The following IP6K1 variants were observed in gnomAD, a reference collection of about 807,000 sequenced individuals.
The protein encoded by IP6K1 is ATP:1D-myo-inositol-hexakisphosphate phosphotransferase.
IP6K1 carries 13 observed loss-of-function variants against 38.3 expected under a neutral mutation model. That is an observed-to-expected ratio of 0.34 (90% CI 0.22 to 0.54). The LOEUF is 0.54. Among genes scored for constraint, IP6K1 ranks in the 20% least tolerant of loss-of-function variants. IP6K1 has a pLI of 0.92. For synonymous variants in IP6K1, 212 were observed against 229.9 expected, an observed-to-expected ratio of 0.92 and a Z score of 0.70; for missense variants, 397 against 599.8, an observed-to-expected ratio of 0.66 and a Z score of 3.53.
rs569041039 is a variant in IP6K1, at chr3:49,730,182, C to A, written c.617-1904G>T. Reference sequence around the variant, plus strand: ...TGCTAGGATTACAGGCATGAGCCACCGCGCCCAGCCGCCTACCTAATTTTT... The same window carrying A: ...TGCTAGGATTACAGGCATGAGCCACAGCGCCCAGCCGCCTACCTAATTTTT... On this transcript the variant is annotated intron_variant, in intron 4 of 5. Transcript: ENST00000321599. Among the ~76,000 whole-genome samples the A allele has an allele frequency of 1.8e-4, 27 of 152,146 alleles. No individual in the cohort carries two copies. In the South Asian group the frequency reaches 4.4e-3, roughly 25 times the overall value.
At chr3:49,758,241 G>A (rs2080841060) in intron 1 of IP6K1, among the ~76,000 whole-genome samples, 1 of 146,834 alleles carries the variant, frequency 6.8e-6, no homozygotes, top group African/African-American at 2.5e-5. Context: ...TTGAGCCTGG[G>A]AGGCGGAGGT....
chr3:49,767,474 G>A (rs748567025), intron 1 of IP6K1, among the ~76,000 whole-genome samples: 1 of 152,002 alleles, frequency 6.6e-6, no homozygotes. Context: ...CAGGTACTCG[G>A]GGGGCTAAAA....
chr3:49,768,216 G>A (rs751039135), intron 1 of IP6K1, among the ~76,000 whole-genome samples: 2 of 152,096 alleles, frequency 1.3e-5, no homozygotes, highest in Non-Finnish European at 2.9e-5. Context: ...ACTGAAAGGA[G>A]GAATCCAAAA....
At chr3:49,767,477 G>C (rs189437367) in intron 1 of IP6K1, among the ~76,000 whole-genome samples, 1 of 152,020 alleles carries the variant, frequency 6.6e-6, no homozygotes, top group Non-Finnish European at 1.5e-5. Flanking sequence ...GTACTCGGGG[G>C]GCTAAAACAG....
At chr3:49,757,558 T>C (rs550104245) in intron 1 of IP6K1, among the ~76,000 whole-genome samples, 1 of 151,548 alleles carries the variant, frequency 6.6e-6, no homozygotes, top group East Asian at 1.9e-4. Flanking sequence ...ATACTGTCTC[T>C]ACAAAAAAAA....
At position 49,724,828 on chromosome 3, in the gene IP6K1, A is replaced by ACCCGT. The variant is rs1488239742; in HGVS notation, c.*2289_*2293dup. The ACCCGT allele has an allele frequency of 6.6e-6, 1 of 152,438 alleles. No homozygotes were observed. Among genetic ancestry groups the ACCCGT allele is most frequent in the African/African-American group, 2.4e-5 (1 of 41,356 alleles). 9.4% of individuals were successfully genotyped at this position (152,438 alleles called of 1,614,324 possible). Reference sequence around the variant, plus strand: ...TGGTCCCCTTCCTCTTTTAAGCACCACCCGTCCCACCCCACCCTCAGGGGC... The same window carrying ACCCGT: ...TGGTCCCCTTCCTCTTTTAAGCACCACCCGTCCCGTCCCACCCCACCCTCAGGGGC... On this transcript the variant is annotated 3_prime_UTR_variant, in exon 6 of 6. Coordinates refer to ENST00000321599, the MANE Select transcript of IP6K1 (RefSeq NM_153273.4).
At chr3:49,762,359 T>C (rs1227275044) in intron 1 of IP6K1, among the ~76,000 whole-genome samples, 5 of 152,148 alleles carry the variant, frequency 3.3e-5, no homozygotes, top group Non-Finnish European at 7.3e-5. Context: ...CTGGCCAACA[T>C]GGTGAAACCC....
intron 1 of IP6K1, among the ~76,000 whole-genome samples, chr3:49,764,922 CAA>C (rs1198297210): frequency 6.7e-6 from 1 of 148,522 alleles, no homozygotes; most frequent in African/African-American, 2.5e-5. Context: ...AGGATAAACT[CAA>C]AGAGACCCAT....
rs1311738357 is a variant in IP6K1, at chr3:49,727,976, T to C, written c.792+127A>G. 1.1e-5 allele frequency: 10 copies of C among 915,608 alleles called. No homozygotes were observed. The highest frequency in any genetic ancestry group is 6.6e-5 in the African/African-American group (4 of 60,516). The allele number at this position is 915,608 out of a possible 1,614,324, so 56.7% of individuals were successfully genotyped here. A position where few individuals can be genotyped will look rare whatever the true frequency, so the allele number is the denominator to read the frequency against. ...ACAGTGGTCCTGCACCTGAGGCCCA[T>C]ATCAAAGTCAACAGGTAAGGACAGA... On this transcript the variant is annotated intron_variant, in intron 5 of 5. Transcript: ENST00000321599. The surrounding 1 kb of genome is among the most constrained non-coding windows in gnomAD (Gnocchi z 5.9).
At chr3:49,739,674 T>C (rs948686017) in intron 2 of IP6K1, among the ~76,000 whole-genome samples, 5 of 151,900 alleles carry the variant, frequency 3.3e-5, no homozygotes, top group African/African-American at 4.8e-5. Flanking sequence ...ATAATATTCT[T>C]CTTCTTCTTA....
intron 1 of IP6K1, among the ~76,000 whole-genome samples, chr3:49,764,407 A>G (rs2080891779): frequency 6.6e-6 from 1 of 152,172 alleles, no homozygotes; most frequent in Non-Finnish European, 1.5e-5. Context: ...TTTAAAATAT[A>G]TACAACAAAC....
chr3:49,745,231 A>G (rs1359501798), intron 2 of IP6K1, among the ~76,000 whole-genome samples: 1 of 152,272 alleles, frequency 6.6e-6, no homozygotes, highest in Non-Finnish European at 1.5e-5. Flanking sequence ...TTTCCAGAGC[A>G]GAATATAATA....
intron 1 of IP6K1, among the ~76,000 whole-genome samples, chr3:49,751,257 G>A (rs1339814392): frequency 6.6e-6 from 1 of 152,046 alleles, no homozygotes; most frequent in Non-Finnish European, 1.5e-5. Flanking sequence ...CAGGGTTCAA[G>A]CGATTCTCGT....
chr3:49,780,290 G>C (rs1289364575), intron 1 of IP6K1, among the ~76,000 whole-genome samples: 1 of 25,702 alleles, frequency 3.9e-5, no homozygotes, highest in Non-Finnish European at 8.1e-5. Context: ...TAGCACACGA[G>C]AATCTTTATC....
intron 1 of IP6K1, among the ~76,000 whole-genome samples, chr3:49,762,860 C>A (rs974048726): frequency 6.6e-6 from 1 of 151,840 alleles, no homozygotes; most frequent in African/African-American, 2.4e-5. Flanking sequence ...CAACCTCTGT[C>A]TCCCAGGTTC....
chr3:49,733,120 G>A (rs2080578757), intron 3 of IP6K1, 148 bp from the exon 4 acceptor site: 2 of 525,846 alleles, frequency 3.8e-6, no homozygotes, highest in Admixed American at 7.2e-5. Context: ...CAATAAAAAT[G>A]AGTAAATGTT....
chr3:49,740,844 TTTTTC>T (rs1311264779), intron 2 of IP6K1, among the ~76,000 whole-genome samples: 1 of 151,754 alleles, frequency 6.6e-6, no homozygotes, highest in African/African-American at 2.4e-5. Flanking sequence ...GAATCCCTGT[TTTTTC>T]TTTTTTCTTT....
chr3:49,761,854 C>T (rs564747713), intron 1 of IP6K1, among the ~76,000 whole-genome samples: 5 of 151,580 alleles, frequency 3.3e-5, no homozygotes, highest in South Asian at 4.2e-4. Context: ...GCTGAGGCAC[C>T]GAGATTACTT....
chr3:49,775,495 G>A, intron 1 of IP6K1: 1 of 738,278 alleles, frequency 1.4e-6, no homozygotes, highest in Non-Finnish European at 2.2e-6. Context: ...GCCTATTACT[G>A]TAAGGAGTGC....
Sources: gnomAD v4.1 joint callset for allele counts (sites outside exome capture counted in the v4.1 genomes callset) on GRCh38, gnomAD v4.1.1 for gene constraint, Gnocchi (gnomAD v3.1) non-coding constraint, MANE v1.5 for transcripts, NCBI Gene and HGNC (gene_info 2026-07-23, HGNC 2026-07-21) for gene names.